LCORL: variants seen among roughly 807,000 people sequenced by gnomAD.
LCORL encodes ligand-dependent nuclear receptor corepressor-like protein.
LCORL carries 41 observed loss-of-function variants against 141.8 expected under a neutral mutation model. The ratio of observed to expected loss-of-function variants is 0.29; its 90% CI spans 0.23 to 0.38. LCORL has a LOEUF of 0.38. Among genes scored for constraint, LCORL ranks in the 10% least tolerant of loss-of-function variants. The pLI is 1.00. For synonymous variants in LCORL, 618 were observed against 694.1 expected, an observed-to-expected ratio of 0.89 and a Z score of 1.72; for missense variants, 1,759 against 2,035.0, an observed-to-expected ratio of 0.86 and a Z score of 2.61.
chr4:17,851,473 G>A (rs1723701989), intron 7 of LCORL, among the ~76,000 whole-genome samples: 1 of 151,948 alleles, frequency 6.6e-6, no homozygotes, highest in Non-Finnish European at 1.5e-5. Context: ...ATACTGTTCT[G>A]TATCTTGCTT....
intron 4 of LCORL, among the ~76,000 whole-genome samples, chr4:17,920,550 AC>A (rs1160519158): frequency 6.6e-6 from 1 of 152,108 alleles, no homozygotes; most frequent in African/African-American, 2.4e-5. Flanking sequence ...AAATTTGCCC[AC>A]TGATTGATTC....
At chr4:17,991,214 T>C (rs1719962177) in intron 1 of LCORL, among the ~76,000 whole-genome samples, 1 of 152,234 alleles carries the variant, frequency 6.6e-6, no homozygotes, top group Non-Finnish European at 1.5e-5. Context: ...GGTGCTCCTC[T>C]GTTTCAATTC....
At chr4:17,868,143 C>G (rs1725904497) in intron 7 of LCORL, among the ~76,000 whole-genome samples, 1 of 152,076 alleles carries the variant, frequency 6.6e-6, no homozygotes, top group Non-Finnish European at 1.5e-5. Flanking sequence ...TAAGCAAGAT[C>G]AGAGGAGTAT....
intron 1 of LCORL, among the ~76,000 whole-genome samples, chr4:17,986,640 T>A (rs1446108320): frequency 6.6e-6 from 1 of 152,192 alleles, no homozygotes; most frequent in Non-Finnish European, 1.5e-5. Flanking sequence ...TGTTTGTTTA[T>A]ACTGGCTACT....
At position 17,901,789 on chromosome 4, in the gene LCORL, A is replaced by G. The variant is rs542721247; in HGVS notation, c.682+7305T>C. ...AAGAAAATAAGGAGGAAAAAAAAGC[A>G]TAACAAGACCAAATAAACAGCAGAT... On this transcript the variant is annotated intron_variant, in intron 5 of 7. Transcript: ENST00000635767. Among the ~76,000 whole-genome samples, 18 of 152,286 alleles carry G rather than the reference A, an allele frequency of 1.2e-4. No homozygotes were observed. The South Asian group carries it at 3.3e-3, about 28-fold the overall frequency.
Position 18,021,703 on chromosome 4 carries a change from C to T in LCORL, c.49G>A (p.Ala17Thr). 1 of 1,527,974 alleles carries T rather than the reference C, an allele frequency of 6.5e-7. No homozygotes were observed. The highest frequency in any genetic ancestry group is 8.8e-7 in the Non-Finnish European group (1 of 1,138,188). 94.7% of individuals were successfully genotyped at this position (1,527,974 alleles called of 1,614,324 possible). The stretch of plus-strand genomic sequence containing the variant: ...CGGCACTGAGCGGCGGCGGCGGCGG[C>T]GGCAGCAGCGGCGGCGGCAGCGGCC... Residue 17 changes from alanine to threonine, a missense_variant, in exon 1 of 8, where the codon GCC (alanine) becomes ACC (threonine). Ala to Thr is a moderately conservative substitution (Grantham distance 58). Transcript: ENST00000635767. This position sits in a 1 kb window ranked among gnomAD's most constrained non-coding sequence, Gnocchi z 5.5.
Position 17,884,579 on chromosome 4 carries a change from G to A in LCORL, c.776+1489C>T, listed in dbSNP as rs774587228. The A allele has an allele frequency of 1.9e-6, 3 of 1,538,564 alleles. No homozygotes were observed. In the African/African-American group the frequency reaches 4.2e-5, roughly 21 times the overall value. On this transcript the variant is annotated intron_variant, in intron 6 of 7. Coordinates refer to ENST00000635767, the Ensembl canonical transcript of LCORL. The surrounding 1 kb of genome is among the most constrained non-coding windows in gnomAD (Gnocchi z 4.4). ...GTTTTTAAAAGATGCAGGCTTCCCT[G>A]CTGGTAAGGCTTCTAAGTGAAGAAG... is the stretch of plus-strand genomic sequence containing the variant.
At position 18,021,773 on chromosome 4, in the gene LCORL, C is replaced by A; in HGVS notation, c.-22G>T. ...CCATCTGCGTCCCGCGTCACGCGCC[C>A]TCATTTACATACGAGCAGCGCAGGC... On this transcript the variant is annotated 5_prime_UTR_variant, in exon 1 of 8. Coordinates refer to ENST00000635767, the Ensembl canonical transcript of LCORL. The surrounding 1 kb of genome is among the most constrained non-coding windows in gnomAD (Gnocchi z 5.5). 2 of 1,479,402 alleles carry A rather than the reference C, an allele frequency of 1.4e-6. No homozygotes were observed. The highest frequency in any genetic ancestry group is 8.9e-7 in the Non-Finnish European group (1 of 1,121,340). The allele number at this position is 1,479,402 out of a possible 1,614,324, so 91.6% of individuals were successfully genotyped here.
In LCORL at chr4:17,965,094, C is replaced by A. The variant is rs187102051; in HGVS notation, c.221-2045G>T. 1.6e-4 allele frequency among the ~76,000 whole-genome samples: 24 copies of A among 152,084 alleles called. No homozygotes were observed. In the East Asian group the frequency reaches 4.2e-3, roughly 27 times the overall value. On this transcript the variant is annotated intron_variant, in intron 2 of 7. Transcript: ENST00000635767. The stretch of plus-strand genomic sequence containing the variant: ...ACTTATTTTAGATATTTTAGGAGTT[C>A]TTCAAGAAAATGTTAATTACAACAA...
intron 4 of LCORL, among the ~76,000 whole-genome samples, chr4:17,947,260 T>C (rs562014323): frequency 6.6e-6 from 1 of 152,058 alleles, no homozygotes; most frequent in African/African-American, 2.4e-5. Context: ...TGGAGAACAT[T>C]ATATAAAGTA....
intron 1 of LCORL, among the ~76,000 whole-genome samples, chr4:17,983,315 G>C (rs770670980): frequency 6.6e-6 from 1 of 152,208 alleles, no homozygotes; most frequent in African/African-American, 2.4e-5. Flanking sequence ...GTTATTGACA[G>C]TTTGATAGAA....
chr4:17,854,300 A>G (rs999626493), intron 7 of LCORL, among the ~76,000 whole-genome samples: 2 of 152,222 alleles, frequency 1.3e-5, no homozygotes, highest in African/African-American at 4.8e-5. Context: ...AGAGAATAGA[A>G]TGCACATAAA....
chr4:17,933,618 C>A (rs1344151419), intron 4 of LCORL, among the ~76,000 whole-genome samples: 1 of 152,020 alleles, frequency 6.6e-6, no homozygotes, highest in South Asian at 2.1e-4. Context: ...CTTCTTTTAA[C>A]AATATATAAT....
At chr4:17,844,745 A>T (rs1016407351) in exon 8 of LCORL, 1 of 152,470 alleles carries the variant, frequency 6.6e-6, no homozygotes. Context: ...AAACATAATA[A>T]GCTAAAATCC....
intron 4 of LCORL, chr4:17,911,528 G>A (rs1292668887): frequency 2.8e-5 from 7 of 252,570 alleles, no homozygotes; most frequent in South Asian, 1.8e-4. Flanking sequence ...ACACGGTAAA[G>A]CTTGGGTGGA....
intron 7 of LCORL, among the ~76,000 whole-genome samples, chr4:17,855,763 T>A (rs558659037): frequency 6.6e-6 from 1 of 152,196 alleles, no homozygotes; most frequent in African/African-American, 2.4e-5. Flanking sequence ...CCAGGACATA[T>A]GAGGGAGCCC....
At chr4:17,908,260 G>A (rs1291897883) in intron 5 of LCORL, among the ~76,000 whole-genome samples, 1 of 152,104 alleles carries the variant, frequency 6.6e-6, no homozygotes, top group Non-Finnish European at 1.5e-5. Context: ...TTGAATTCCT[G>A]ACCTCAGGTG....
chr4:17,919,282 A>T (rs1370694925), intron 4 of LCORL, among the ~76,000 whole-genome samples: 1 of 152,212 alleles, frequency 6.6e-6, no homozygotes, highest in East Asian at 1.9e-4. Context: ...AGAGAGGCCC[A>T]GGAACAAATG....
chr4:17,866,476 A>G (rs992359941), intron 7 of LCORL, among the ~76,000 whole-genome samples: 1 of 152,202 alleles, frequency 6.6e-6, no homozygotes, highest in Non-Finnish European at 1.5e-5. Context: ...GAAGACAAAC[A>G]CTTTTGAATA....
Sources: gnomAD v4.1 joint callset for allele counts (sites outside exome capture counted in the v4.1 genomes callset) on GRCh38, gnomAD v4.1.1 for gene constraint, Gnocchi (gnomAD v3.1) non-coding constraint, MANE v1.5 for transcripts, NCBI Gene and HGNC (gene_info 2026-07-23, HGNC 2026-07-21) for gene names.